The following EEFSEC variants were observed in gnomAD, a reference collection of about 807,000 sequenced individuals.
The protein encoded by EEFSEC is eukaryotic elongation factor, selenocysteine-tRNA specific.
A neutral mutation model predicts 42.1 loss-of-function variants in EEFSEC; 43 were observed. The observed-to-expected ratio is 1.02, with a 90% CI of 0.80 to 1.32. EEFSEC has a LOEUF of 1.32. Among genes scored for constraint, EEFSEC ranks in the 40% most tolerant of loss-of-function variants. The pLI, the probability that EEFSEC is intolerant of heterozygous loss-of-function variation, is 0.00. For missense variants in EEFSEC, 745 were observed against 803.6 expected (o/e 0.93, Z 0.88); for synonymous variants, 354 against 339.1 (o/e 1.04, Z -0.48).
At chr3:128,250,745 G>A (rs2066176517) in intron 2 of EEFSEC, among the ~76,000 whole-genome samples, 1 of 152,062 alleles carries the variant, frequency 6.6e-6, no homozygotes, top group African/African-American at 2.4e-5. Context: ...ACATGAATTT[G>A]AGAATCTGCT....
chr3:128,330,608 A>G (rs1213120265), intron 4 of EEFSEC, among the ~76,000 whole-genome samples: 1 of 152,034 alleles, frequency 6.6e-6, no homozygotes, highest in Admixed American at 6.5e-5. Flanking sequence ...GGGTGAGGAG[A>G]GCTGGGCAGG....
At chr3:128,197,260 G>A (rs1180206797) in intron 1 of EEFSEC, among the ~76,000 whole-genome samples, 2 of 152,138 alleles carry the variant, frequency 1.3e-5, no homozygotes, top group Non-Finnish European at 2.9e-5. Context: ...TCCTGGAGGC[G>A]GAAATACGCA....
chr3:128,212,587 C>T (rs1384672466), intron 1 of EEFSEC, among the ~76,000 whole-genome samples: 1 of 152,198 alleles, frequency 6.6e-6, no homozygotes, highest in Non-Finnish European at 1.5e-5. Flanking sequence ...TGAGCAGTCA[C>T]ATCCTAAGAA....
chr3:128,404,628 G>A (rs1320990409), intron 6 of EEFSEC, among the ~76,000 whole-genome samples: 1 of 152,242 alleles, frequency 6.6e-6, no homozygotes, highest in Admixed American at 6.5e-5. Flanking sequence ...TACAGGCCAG[G>A]CGCTCACTTG....
chr3:128,303,730 T>C (rs1169136615), intron 4 of EEFSEC, among the ~76,000 whole-genome samples: 1 of 152,234 alleles, frequency 6.6e-6, no homozygotes, highest in Non-Finnish European at 1.5e-5. Context: ...TGTCATTCTT[T>C]TATGACCTCT....
At chr3:128,264,545 C>A (rs1406428668) in intron 3 of EEFSEC, 72 bp from the exon 4 acceptor site, 2 of 1,528,732 alleles carry the variant, frequency 1.3e-6, no homozygotes, top group Non-Finnish European at 1.8e-6. Flanking sequence ...CAGCCACATT[C>A]TCTGCCTTCC....
the EEFSEC span, among the ~76,000 whole-genome samples, chr3:128,414,702 C>T: frequency 1.9e-3 from 294 of 152,334 alleles, 1 homozygote; most frequent in African/African-American, 6.7e-3. Context: ...CACCTCATAG[C>T]GTAACTAACT....
intron 4 of EEFSEC, among the ~76,000 whole-genome samples, chr3:128,294,417 G>A (rs1027022770): frequency 6.6e-6 from 1 of 152,210 alleles, no homozygotes; most frequent in Non-Finnish European, 1.5e-5. Flanking sequence ...TCATATCTGA[G>A]TGTTCTTAAA....
chr3:128,289,265 G>A (rs926065472), intron 4 of EEFSEC, among the ~76,000 whole-genome samples: 6 of 152,136 alleles, frequency 3.9e-5, no homozygotes, highest in African/African-American at 9.7e-5. Flanking sequence ...CCCCACTCCC[G>A]CTTTATAGGA....
At chr3:128,187,920 C>T (rs942851632) in intron 1 of EEFSEC, among the ~76,000 whole-genome samples, 2 of 152,300 alleles carry the variant, frequency 1.3e-5, no homozygotes, top group African/African-American at 4.8e-5. Context: ...AGGGTTTGGA[C>T]AATCCAGAGA....
intron 6 of EEFSEC, among the ~76,000 whole-genome samples, chr3:128,375,805 GGTCTTTGCTGTGTTA>G: frequency 6.6e-6 from 1 of 152,350 alleles, no homozygotes; most frequent in South Asian, 2.1e-4. Context: ...CCAAGTGGAA[GGTCTTTGCTGTGTTA>G]GTCTGTGGCC....
At position 128,253,844 on chromosome 3, in the gene EEFSEC, C is replaced by T. The variant is rs564572228; in HGVS notation, c.524+6801C>T. Among the ~76,000 whole-genome samples, 124 of 152,300 alleles carry T rather than the reference C, an allele frequency of 8.1e-4. No homozygotes were observed. The South Asian group carries it at 0.015, about 19-fold the overall frequency. On this transcript the variant is annotated intron_variant, in intron 2 of 6. Coordinates refer to ENST00000254730, the MANE Select transcript of EEFSEC (RefSeq NM_021937.5). ...GGGTCTGTGGCCCTCTTTGGAATCTCCTTACTGAACTGAAATCATCGTGTC... is the reference window on the plus strand; with the variant it reads ...GGGTCTGTGGCCCTCTTTGGAATCTTCTTACTGAACTGAAATCATCGTGTC...
intron 6 of EEFSEC, among the ~76,000 whole-genome samples, chr3:128,370,272 G>C (rs890709380): frequency 1.3e-5 from 2 of 152,162 alleles, no homozygotes; most frequent in Non-Finnish European, 2.9e-5. Context: ...GGCAATGCTA[G>C]GTTTGACCAC....
At chr3:128,418,640 C>G in the EEFSEC span, among the ~76,000 whole-genome samples, 1 of 151,722 alleles carries the variant, frequency 6.6e-6, no homozygotes, top group Non-Finnish European at 1.5e-5. Flanking sequence ...TGCTCACACC[C>G]CAACTCTGCC....
At chr3:128,348,857 G>T (rs2067348067) in intron 5 of EEFSEC, among the ~76,000 whole-genome samples, 1 of 152,200 alleles carries the variant, frequency 6.6e-6, no homozygotes, top group Non-Finnish European at 1.5e-5. Context: ...CTCCTTTAGT[G>T]ATCCAAAGCC....
At chr3:128,402,196 T>C (rs144600175) in intron 6 of EEFSEC, among the ~76,000 whole-genome samples, 6 of 152,364 alleles carry the variant, frequency 3.9e-5, no homozygotes, top group African/African-American at 1.2e-4. Flanking sequence ...GAACAGTGCT[T>C]GCAACCCACT....
intron 5 of EEFSEC, among the ~76,000 whole-genome samples, chr3:128,342,538 A>C (rs528550904): frequency 6.6e-6 from 1 of 152,378 alleles, no homozygotes; most frequent in African/African-American, 2.4e-5. Flanking sequence ...GCCCCTGGCT[A>C]CCTAGGGTGC....
intron 1 of EEFSEC, 80 bp from the exon 2 acceptor site, chr3:128,246,756 T>C: frequency 6.8e-7 from 1 of 1,475,222 alleles, no homozygotes. Context: ...ACTGCAGTGC[T>C]TTGACCTGGG....
chr3:128,371,649 G>A (rs188209088), intron 6 of EEFSEC, among the ~76,000 whole-genome samples: 35 of 152,304 alleles, frequency 2.3e-4, no homozygotes, highest in African/African-American at 8.2e-4. Flanking sequence ...GGGGAGGAGG[G>A]CAGAGGGGCA....
Sources: gnomAD v4.1 joint callset for allele counts (sites outside exome capture counted in the v4.1 genomes callset) on GRCh38, gnomAD v4.1.1 for gene constraint, MANE v1.5 for transcripts, NCBI Gene and HGNC (gene_info 2026-07-23, HGNC 2026-07-21) for gene names.